The following COA4 variants were observed in gnomAD, a reference collection of about 807,000 sequenced individuals.
The protein encoded by COA4 is cytochrome c oxidase assembly factor 4 homolog.
In COA4, 8 loss-of-function variants were observed where a neutral mutation model predicts 7.3. That is an observed-to-expected ratio of 1.10 (90% confidence interval 0.64 to 1.98). COA4 has a LOEUF of 1.98. Ranked by LOEUF, COA4 falls within the 30% of genes most tolerant of loss-of-function variation. COA4 has a pLI of 0.00. For synonymous variants in COA4, 42 were observed against 44.3 expected (o/e 0.95, Z 0.21); for missense variants, 96 against 111.2 (o/e 0.86, Z 0.62).
chr11:73,873,536 GTT>G (rs59752835), intron 1 of COA4, 142 bp from the exon 2 acceptor site: 16,575 of 481,260 alleles, frequency 0.034, 95 homozygotes, highest in African/African-American at 0.094. Context: ...ACAGATGCTT[GTT>G]TTTTTTTTTT....
intron 1 of COA4, among the ~76,000 whole-genome samples, chr11:73,874,095 C>T (rs1948716807): frequency 6.6e-6 from 1 of 151,840 alleles, no homozygotes; most frequent in South Asian, 2.1e-4. Context: ...CAGGAAGATC[C>T]CTTGAGCCCA....
chr11:73,873,228 A>G lies in COA4; in HGVS notation c.151T>C (p.Trp51Arg). 6.2e-7 allele frequency: 1 copy of G among 1,614,200 alleles called. No individual in the cohort carries two copies. The highest frequency in any genetic ancestry group is 8.5e-7 in the Non-Finnish European group (1 of 1,180,040). Residue 51 changes from tryptophan to arginine, a missense_variant, in exon 2 of 2, where the codon TGG (tryptophan) becomes CGG (arginine). Coordinates refer to ENST00000355693, the MANE Select transcript of COA4 (RefSeq NM_016565.3). Reference protein sequence around the residue: ...VQECMAQHQDWRQCQPQVQAF... With the variant: ...VQECMAQHQDRRQCQPQVQAF... ...TGCACCTGTGGCTGGCATTGCCGCC[A>G]GTCCTGGTGCTGGGCCATGCACTCC...
chr11:73,874,868 CCCAGCTACT>C (rs1323935174), intron 1 of COA4, among the ~76,000 whole-genome samples: 1 of 152,028 alleles, frequency 6.6e-6, no homozygotes, highest in African/African-American at 2.4e-5. Flanking sequence ...CACCTGTAAT[CCCAGCTACT>C]CGGGAGGCTC....
In COA4 at chr11:73,873,366, CT is replaced by C; in HGVS notation, c.12del (p.Val5SerfsTer11). 3 of 1,614,068 alleles carry C rather than the reference CT, an allele frequency of 1.9e-6. No individual in the cohort carries two copies. The highest frequency in any genetic ancestry group is 2.5e-6 in the Non-Finnish European group (3 of 1,179,974). ...TGGGTCCAGGTATGGCCTTGAGGGA[CT>C]GAGGTTGACATCCTGGGGATGGGGA... MSTSVPQGHTWTQR... is the reference protein window; with the variant it reads MSTXVPQGHTWTQR... On this transcript the variant is annotated frameshift_variant, in exon 2 of 2. Coordinates refer to ENST00000355693, the MANE Select transcript of COA4 (RefSeq NM_016565.3). LOFTEE classifies it high-confidence loss of function.
Position 73,873,350 on chromosome 11 carries a change from G to A in COA4, c.29C>T (p.Thr10Ile). ...GTCTTTCTTCACCCGTTGGGTCCAG[G>A]TATGGCCTTGAGGGACTGAGGTTGA... is the stretch of plus-strand genomic sequence containing the variant. The part of the protein sequence containing the change: MSTSVPQGH[T>I]WTQRVKKDDE... Residue 10 changes from threonine to isoleucine, a missense_variant, in exon 2 of 2, where the codon ACC (threonine) becomes ATC (isoleucine). Coordinates refer to ENST00000355693, the MANE Select transcript of COA4 (RefSeq NM_016565.3). The A allele has an allele frequency of 6.2e-7, 1 of 1,614,186 alleles. No homozygotes were observed. The highest frequency in any genetic ancestry group is 8.5e-7 in the Non-Finnish European group (1 of 1,180,028).
chr11:73,875,938 C>T (rs759037665), intron 1 of COA4: 1 of 152,060 alleles, frequency 6.6e-6, no homozygotes, highest in Non-Finnish European at 1.5e-5. Context: ...TCATTTGGTG[C>T]CCTTGGACAC....
intron 1 of COA4, among the ~76,000 whole-genome samples, chr11:73,874,943 T>C (rs1948724724): frequency 6.6e-6 from 1 of 151,970 alleles, no homozygotes; most frequent in Non-Finnish European, 1.5e-5. Context: ...CCAAAGATCG[T>C]GCCACTGCAC....
At chr11:73,873,512 CTCTAAGCTTGA>C in intron 1 of COA4, 118 bp from the exon 2 acceptor site, 12 of 777,922 alleles carry the variant, frequency 1.5e-5, no homozygotes, top group Non-Finnish European at 2.2e-5. Flanking sequence ...CCGTGGGAGA[CTCTAAGCTTGA>C]AGACAGATGC....
At chr11:73,876,209 C>T (rs947431279) in intron 1 of COA4, 103 of 151,514 alleles carry the variant, frequency 6.8e-4, no homozygotes, top group African/African-American at 2.4e-3. Context: ...TGATAGTTTT[C>T]TCTTCCTAAA....
intron 1 of COA4, 76 bp downstream of exon 1, chr11:73,876,681 T>TGCGC (rs764011133): frequency 1.8e-5 from 4 of 223,028 alleles, no homozygotes; most frequent in South Asian, 3.3e-4. Flanking sequence ...TGAGGACGCA[T>TGCGC]GCGCGCGCGC....
At chr11:73,875,715 G>T (rs974663435) in intron 1 of COA4, 10 of 151,730 alleles carry the variant, frequency 6.6e-5, no homozygotes, top group Non-Finnish European at 1.0e-4. Flanking sequence ...GTGAGAATAA[G>T]ACAATATTAA....
At chr11:73,873,423 G>T (rs771722506) in intron 1 of COA4, 29 bp from the exon 2 acceptor site, 1 of 1,588,758 alleles carries the variant, frequency 6.3e-7, no homozygotes, top group East Asian at 2.2e-5. Context: ...TTAGAGTAGG[G>T]ATATAATATG....
At chr11:73,874,077 G>A (rs1426296413) in intron 1 of COA4, among the ~76,000 whole-genome samples, 1 of 152,188 alleles carries the variant, frequency 6.6e-6, no homozygotes, top group Non-Finnish European at 1.5e-5. Flanking sequence ...CATTATGGGA[G>A]GCTGAGGCAG....
intron 1 of COA4, 44 bp from the exon 2 acceptor site, chr11:73,873,438 G>C: frequency 6.4e-7 from 1 of 1,550,442 alleles, no homozygotes; most frequent in Non-Finnish European, 8.8e-7. Flanking sequence ...AATATGTAAG[G>C]TTCCTAAATT....
At chr11:73,874,105 A>G (rs1398004437) in intron 1 of COA4, among the ~76,000 whole-genome samples, 1 of 152,136 alleles carries the variant, frequency 6.6e-6, no homozygotes, top group Non-Finnish European at 1.5e-5. Context: ...CCTTGAGCCC[A>G]GGAATTTGAG....
In COA4 at chr11:73,872,822, T is replaced by G. The variant is rs1948703082; in HGVS notation, c.*293A>C. 2.6e-6 allele frequency: 1 copy of G among 391,418 alleles called. No individual in the cohort carries two copies. The highest frequency in any genetic ancestry group is 4.1e-5 in the Admixed American group (1 of 24,582). 24.2% of individuals were successfully genotyped at this position (391,418 alleles called of 1,614,324 possible). A position where few individuals can be genotyped will look rare whatever the true frequency, so the allele number is the denominator to read the frequency against. The stretch of plus-strand genomic sequence containing the variant: ...TAAAATGTCCCTAAAATCATCTCAG[T>G]ACTTGGCACACTGACTTAAGATGTG... On this transcript the variant is annotated 3_prime_UTR_variant, in exon 2 of 2. Coordinates refer to ENST00000355693, the MANE Select transcript of COA4 (RefSeq NM_016565.3).
chr11:73,872,754 T>C lies in COA4; in HGVS notation c.*361A>G, dbSNP rs1238089666. 9.6e-6 allele frequency: 2 copies of C among 207,832 alleles called. No individual in the cohort carries two copies. The highest frequency in any genetic ancestry group is 1.9e-5 in the Non-Finnish European group (2 of 103,290). The allele number at this position is 207,832 out of a possible 1,614,324, so 12.9% of individuals were successfully genotyped here. A position where few individuals can be genotyped will look rare whatever the true frequency, so the allele number is the denominator to read the frequency against. ...AAGTGATGAAAGAGAAAGGCACTAA[T>C]TAGGTAATCAATTTACCATTAGATT... is the stretch of plus-strand genomic sequence containing the variant. On this transcript the variant is annotated 3_prime_UTR_variant, in exon 2 of 2. Transcript: ENST00000355693.
chr11:73,874,210 G>C (rs1948718129), intron 1 of COA4, among the ~76,000 whole-genome samples: 1 of 152,182 alleles, frequency 6.6e-6, no homozygotes, highest in African/African-American at 2.4e-5. Flanking sequence ...CACTTTGGGA[G>C]ACTGAGGCAG....
At position 73,873,118 on chromosome 11, in the gene COA4, G is replaced by T. The variant is rs1948705622; in HGVS notation, c.261C>A (p.His87Gln). 1.9e-6 allele frequency: 3 copies of T among 1,601,076 alleles called. No homozygotes were observed. Among genetic ancestry groups the T allele is most frequent in the Non-Finnish European group, 2.6e-6 (3 of 1,171,234 alleles). ...TGGGGATAGGTGGTTTGGGGTCTCA[G>T]TGGTGGGCACCGGCTTGTTCTTGCC... ...QRRQEQAGAH[H>Q] is the part of the protein sequence containing the mutation. The change falls in exon 2 of 2, where the codon CAC becomes CAA. Residue 87 changes from histidine (H) to glutamine (Q), a missense_variant. His to Gln is a conservative substitution (Grantham distance 24). Coordinates refer to ENST00000355693, the MANE Select transcript of COA4 (RefSeq NM_016565.3).
Sources: allele counts gnomAD v4.1 joint callset (sites outside exome capture counted in the v4.1 genomes callset), GRCh38; gene constraint gnomAD v4.1.1; transcripts MANE v1.5; gene names NCBI Gene and HGNC (gene_info 2026-07-23, HGNC 2026-07-21).